Variants in TTC39A observed in about 807,000 individuals in gnomAD.
TTC39A encodes the protein tetratricopeptide repeat protein 39A.
TTC39A carries 46 observed loss-of-function variants against 82.3 expected under a neutral mutation model. That is an observed-to-expected ratio of 0.56 (90% CI 0.44 to 0.71). TTC39A has a LOEUF of 0.71. Ranked by LOEUF, TTC39A falls within the 30% of genes least tolerant of loss-of-function variation. The pLI, the probability that TTC39A is intolerant of heterozygous loss-of-function variation, is 0.00. For synonymous variants in TTC39A, 254 were observed against 275.2 expected (o/e 0.92, Z 0.76); for missense variants, 543 against 712.9 (o/e 0.76, Z 2.71).
rs1645521740 is a variant in TTC39A, at chr1:51,321,636, T to A, written c.146+85A>T. The A allele has an allele frequency of 7.7e-6, 10 of 1,302,338 alleles. No individual in the cohort carries two copies. In the African/African-American group the frequency reaches 1.0e-4, roughly 13 times the overall value. The allele number at this position is 1,302,338 out of a possible 1,614,324, so 80.7% of individuals were successfully genotyped here. A position where few individuals can be genotyped will look rare whatever the true frequency, so the allele number is the denominator to read the frequency against. On this transcript the variant is annotated intron_variant, in intron 2 of 17. Transcript: ENST00000680483. This position sits in a 1 kb window ranked among gnomAD's most constrained non-coding sequence, Gnocchi z 4.6. ...ACCCAGAAAGCCAAAGGCATTTAGT[T>A]ACACAGGGTTCCTCTCATACAAGAC...
At chr1:51,323,327 T>C (rs1021168644) in intron 1 of TTC39A, among the ~76,000 whole-genome samples, 40 of 152,180 alleles carry the variant, frequency 2.6e-4, no homozygotes, top group African/African-American at 9.4e-4. Context: ...TTGCCCAGGC[T>C]GGTCTTGAAC....
chr1:51,304,040 C>T (rs1335051271), intron 8 of TTC39A, among the ~76,000 whole-genome samples: 1 of 152,202 alleles, frequency 6.6e-6, no homozygotes, highest in South Asian at 2.1e-4. Context: ...CTTCTGTTAT[C>T]TTTCTATCCT....
At chr1:51,339,304 G>A (rs1440497630) in intron 1 of TTC39A, among the ~76,000 whole-genome samples, 1 of 152,188 alleles carries the variant, frequency 6.6e-6, no homozygotes, top group African/African-American at 2.4e-5. Flanking sequence ...TTTTGGCAGG[G>A]TGTCATGGGG....
intron 1 of TTC39A, chr1:51,326,049 T>C (rs924673882): frequency 6.6e-6 from 1 of 152,356 alleles, no homozygotes; most frequent in Non-Finnish European, 1.5e-5. Flanking sequence ...TGCTCTAGGC[T>C]ATGCGTGGGA....
chr1:51,294,378 ACCT>A lies in TTC39A; in HGVS notation c.1266+10_1266+12del, dbSNP rs1644333396. On this transcript the variant is annotated intron_variant, in intron 14 of 17. Transcript: ENST00000680483. This position sits in a 1 kb window ranked among gnomAD's most constrained non-coding sequence, Gnocchi z 4.3. The stretch of plus-strand genomic sequence containing the variant: ...TACCCGGAGGGCAGCGCCAGTCCAG[ACCT>A]CCTACCCACCAGAGCAGGCACTGGC... The A allele has an allele frequency of 1.2e-6, 2 of 1,613,772 alleles. No homozygotes were observed. The highest frequency in any genetic ancestry group is 2.2e-5 in the South Asian group (2 of 91,072).
chr1:51,294,262 T>C lies in TTC39A; in HGVS notation c.1266+129A>G. 1.4e-6 allele frequency: 2 copies of C among 1,453,668 alleles called. No homozygotes were observed. The highest frequency in any genetic ancestry group is 2.7e-5 in the South Asian group (2 of 74,060). 90.0% of individuals were successfully genotyped at this position (1,453,668 alleles called of 1,614,324 possible). Reference sequence around the variant, plus strand: ...CTGGGCCAGACTCCCAGGTGAATTGTGAAACCCTCCCCAGGCCCCTGAGGC... The same window carrying C: ...CTGGGCCAGACTCCCAGGTGAATTGCGAAACCCTCCCCAGGCCCCTGAGGC... On this transcript the variant is annotated intron_variant, in intron 14 of 17. Coordinates refer to ENST00000680483, the MANE Select transcript of TTC39A (RefSeq NM_001297663.2). This position sits in a 1 kb window ranked among gnomAD's most constrained non-coding sequence, Gnocchi z 4.3.
rs190432063 is a variant in TTC39A, at chr1:51,322,175, C to G, written c.42-350G>C. ...CTTCTGGCCCATTGGGCTCTGCTGC[C>G]CCCCCAGGGGGTGCAGCCCAGCCAC... is the stretch of plus-strand genomic sequence containing the variant. On this transcript the variant is annotated intron_variant, in intron 1 of 17. Transcript: ENST00000680483. 1.8e-4 allele frequency: 277 copies of G among 1,546,062 alleles called. 2 individuals carry two copies. In the East Asian group the frequency reaches 5.7e-3, roughly 32 times the overall value.
chr1:51,306,088 T>C lies in TTC39A; in HGVS notation c.489-12A>G, dbSNP rs760487772. ...GGCTGTCCAGCTCCCTGCAGAGAGA[T>C]GCCAAGTCCTGTTTCAGCCACTGCT... is the stretch of plus-strand genomic sequence containing the variant. On this transcript the variant is annotated splice_polypyrimidine_tract_variant and intron_variant, in intron 6 of 17. Coordinates refer to ENST00000680483, the MANE Select transcript of TTC39A (RefSeq NM_001297663.2). 1 of 1,607,130 alleles carries C rather than the reference T, an allele frequency of 6.2e-7. No individual in the cohort carries two copies. The highest frequency in any genetic ancestry group is 2.2e-5 in the East Asian group (1 of 44,740).
upstream of TTC39A, chr1:51,330,829 C>T (rs1645892121): frequency 2.1e-6 from 1 of 471,880 alleles, no homozygotes; most frequent in Non-Finnish European, 3.8e-6. The surrounding 1 kb of genome is among the most constrained non-coding windows in gnomAD (Gnocchi z 4.5). Context: ...AGTTCTTCTC[C>T]GGGACCTGAG....
In TTC39A at chr1:51,312,794, G is replaced by T. The variant is rs776716358; in HGVS notation, c.278+18C>A. ...GTGGGCCTCCCAACCTCTGATCCCT[G>T]CCCCCAATGCCCCCAACCTCTGACA... On this transcript the variant is annotated intron_variant, in intron 3 of 17. Coordinates refer to ENST00000680483, the MANE Select transcript of TTC39A (RefSeq NM_001297663.2). The T allele has an allele frequency of 3.1e-6, 5 of 1,610,898 alleles. No homozygotes were observed. Among genetic ancestry groups the T allele is most frequent in the East Asian group, 2.2e-5 (1 of 44,832 alleles).
In TTC39A at chr1:51,296,152, T is replaced by G. The variant is rs1374347612; in HGVS notation, c.1072A>C (p.Lys358Gln). 1 of 1,596,498 alleles carries G rather than the reference T, an allele frequency of 6.3e-7. No homozygotes were observed. The highest frequency in any genetic ancestry group is 1.3e-5 in the African/African-American group (1 of 74,642). ...CWSKATYIYM[K>Q]AAYLSMFGKE... ...CCAAACATGCTGAGGTAGGCGGCCTTCATGTAAATGTAGGTGGCCTGTGCG... is the reference window on the plus strand; with the variant it reads ...CCAAACATGCTGAGGTAGGCGGCCTGCATGTAAATGTAGGTGGCCTGTGCG... The change falls in exon 13 of 18, where the codon AAG (lysine) becomes CAG (glutamine). Residue 358 changes from lysine (K) to glutamine (Q), a missense_variant. By Grantham distance (53) the Lys-to-Gln change is moderately conservative (BLOSUM62 1). Coordinates refer to ENST00000680483, the MANE Select transcript of TTC39A (RefSeq NM_001297663.2).
At chr1:51,293,513 A>C (rs1012788426) in intron 14 of TTC39A, among the ~76,000 whole-genome samples, 2 of 152,246 alleles carry the variant, frequency 1.3e-5, no homozygotes, top group African/African-American at 4.8e-5. Context: ...CTGCTCTGTA[A>C]AATGGGAAAG....
chr1:51,316,703 G>A (rs1311005415), intron 2 of TTC39A, among the ~76,000 whole-genome samples: 2 of 152,178 alleles, frequency 1.3e-5, no homozygotes, highest in Admixed American at 6.5e-5. Context: ...CTCTTGGCAG[G>A]TGACCTTGCC....
In TTC39A at chr1:51,294,455, A is replaced by G; in HGVS notation, c.1202T>C (p.Phe401Ser). The change falls in exon 14 of 18, where the codon TTT becomes TCT. Residue 401 changes from phenylalanine to serine, a missense_variant. By Grantham distance (155) the Phe-to-Ser change is radical (BLOSUM62 -2). Transcript: ENST00000680483. The surrounding 1 kb of genome is among the most constrained non-coding windows in gnomAD (Gnocchi z 4.3). ...IAGKSLPTEK[F>S]AIRKSRRYFS... ...GTAGCGCCGGGACTTCCGGATGGCA[A>G]ACTTCTCTGTGGGTAGAGATTTCCC... is the stretch of plus-strand genomic sequence containing the variant. 4 of 1,614,002 alleles carry G rather than the reference A, an allele frequency of 2.5e-6. No individual in the cohort carries two copies. The highest frequency in any genetic ancestry group is 3.4e-6 in the Non-Finnish European group (4 of 1,179,886).
At chr1:51,336,701 G>C (rs1645978929) in intron 1 of TTC39A, among the ~76,000 whole-genome samples, 1 of 151,890 alleles carries the variant, frequency 6.6e-6, no homozygotes, top group Admixed American at 6.5e-5. Flanking sequence ...CATCCGATTA[G>C]AGAATAGTTC....
chr1:51,314,399 A>G (rs891599961), intron 2 of TTC39A, among the ~76,000 whole-genome samples: 15 of 152,210 alleles, frequency 9.9e-5, no homozygotes, highest in African/African-American at 3.4e-4. Flanking sequence ...TGAATTATTT[A>G]TGAATCTCCT....
At chr1:51,310,127 AGCTGGAG>A (rs1189142946) in intron 5 of TTC39A, among the ~76,000 whole-genome samples, 38 of 152,214 alleles carry the variant, frequency 2.5e-4, no homozygotes, top group Admixed American at 9.2e-4. Context: ...TACAAAAATT[AGCTGGAG>A]GCTGAGGCAG....
Position 51,330,552 on chromosome 1 carries a change from C to G in TTC39A, c.-75G>C. ...CAGGTGCTGCCGCCGCAACCCCGAG[C>G]CGGGCGCTGTGCGGTCGCGGACGCG... On this transcript the variant is annotated 5_prime_UTR_variant, in exon 1 of 18. Transcript: ENST00000680483. This position sits in a 1 kb window ranked among gnomAD's most constrained non-coding sequence, Gnocchi z 4.5. 1.0e-6 allele frequency: 1 copy of G among 983,464 alleles called. No individual in the cohort carries two copies. The highest frequency in any genetic ancestry group is 1.2e-6 in the Non-Finnish European group (1 of 829,918). The allele number at this position is 983,464 out of a possible 1,614,324, so 60.9% of individuals were successfully genotyped here.
chr1:51,345,064 CGGGG>C, exon 1 of TTC39A: 1 of 1,357,308 alleles, frequency 7.4e-7, no homozygotes, highest in South Asian at 2.0e-5. Flanking sequence ...CGGGCTCGGA[CGGGG>C]CCGCGGGCGG....
Sources: allele counts gnomAD v4.1 joint callset (sites outside exome capture counted in the v4.1 genomes callset), GRCh38; gene constraint gnomAD v4.1.1; non-coding constraint Gnocchi (gnomAD v3.1); transcripts MANE v1.5; gene names NCBI Gene and HGNC (gene_info 2026-07-23, HGNC 2026-07-21).